Variants in ZNF804B observed in about 807,000 individuals in gnomAD.
ZNF804B encodes the protein zinc finger 804B.
ZNF804B carries 80 observed loss-of-function variants against 101.4 expected under a neutral mutation model. The observed-to-expected ratio is 0.79, with a 90% confidence interval of 0.66 to 0.95. The LOEUF (loss-of-function observed/expected upper bound fraction) is 0.95, where lower values mean the gene tolerates loss of function less well. Among genes scored for constraint, ZNF804B ranks in the 40% least tolerant of loss-of-function variants. The pLI, the probability that ZNF804B is intolerant of heterozygous loss-of-function variation, is 0.00. For missense variants in ZNF804B, 1,673 were observed against 1,561.9 expected (o/e 1.07, Z -1.20); for synonymous variants, 622 against 558.8 (o/e 1.11, Z -1.59).
intron 1 of ZNF804B, among the ~76,000 whole-genome samples, chr7:88,907,623 C>G (rs1792493387): frequency 6.6e-6 from 1 of 151,830 alleles, no homozygotes; most frequent in African/African-American, 2.4e-5. Context: ...CACGGACTAA[C>G]TAAGTAGCCC....
chr7:89,323,843 C>G (rs1039376977), intron 2 of ZNF804B, among the ~76,000 whole-genome samples: 4 of 152,066 alleles, frequency 2.6e-5, no homozygotes, highest in African/African-American at 9.7e-5. Flanking sequence ...TCATTACACA[C>G]CCTCAAAGAA....
chr7:88,800,693 TG>T, intron 1 of ZNF804B, among the ~76,000 whole-genome samples: 1 of 7,704 alleles, frequency 1.3e-4, no homozygotes, highest in Non-Finnish European at 2.0e-4. Context: ...AGATATGATT[TG>T]TGTGTGTGTG....
intron 1 of ZNF804B, among the ~76,000 whole-genome samples, chr7:88,811,832 G>A (rs1025109504): frequency 1.3e-5 from 2 of 152,054 alleles, no homozygotes; most frequent in African/African-American, 4.8e-5. Flanking sequence ...GACAGGGGAG[G>A]GAGAGCATCA....
At chr7:88,927,369 A>G (rs186371347) in intron 1 of ZNF804B, among the ~76,000 whole-genome samples, 222 of 152,324 alleles carry the variant, frequency 1.5e-3, no homozygotes, top group African/African-American at 4.4e-3. Context: ...ATAGCAAACA[A>G]TATTGTGGTT....
At chr7:89,015,330 T>G (rs1020128285) in intron 1 of ZNF804B, among the ~76,000 whole-genome samples, 1 of 151,370 alleles carries the variant, frequency 6.6e-6, no homozygotes, top group African/African-American at 2.4e-5. Flanking sequence ...TATTTTATTT[T>G]TATTTTATTT....
At chr7:89,071,013 G>A (rs1789529500) in intron 1 of ZNF804B, among the ~76,000 whole-genome samples, 1 of 152,010 alleles carries the variant, frequency 6.6e-6, no homozygotes, top group South Asian at 2.1e-4. Context: ...ATAAAATGGT[G>A]TAATATTTGC....
chr7:89,306,000 A>T (rs1790556984), intron 2 of ZNF804B, among the ~76,000 whole-genome samples: 1 of 151,954 alleles, frequency 6.6e-6, no homozygotes, highest in African/African-American at 2.4e-5. Context: ...AATTGTCCCA[A>T]TTTTGAATTA....
chr7:89,334,892 A>T lies in ZNF804B; in HGVS notation c.1910A>T (p.His637Leu). The T allele has an allele frequency of 6.2e-7, 1 of 1,613,840 alleles. No individual in the cohort carries two copies. Among genetic ancestry groups the T allele is most frequent in the Admixed American group, 1.7e-5 (1 of 59,920 alleles). Residue 637 changes from histidine to leucine, a missense_variant, in exon 4 of 4, where the codon CAT becomes CTT. Coordinates refer to ENST00000333190, the MANE Select transcript of ZNF804B (RefSeq NM_181646.5). Reference protein sequence around the residue: ...FPSYISRFKKHKLIPCSPHLE... With the variant: ...FPSYISRFKKLKLIPCSPHLE... ...TCCTACATCTCTAGGTTTAAAAAGCATAAATTGATTCCCTGCAGTCCTCAT... is the reference window on the plus strand; with the variant it reads ...TCCTACATCTCTAGGTTTAAAAAGCTTAAATTGATTCCCTGCAGTCCTCAT...
Position 89,243,932 on chromosome 7 carries a change from A to G in ZNF804B, c.249+25637A>G, listed in dbSNP as rs373114165. On this transcript the variant is annotated intron_variant, in intron 2 of 3. Coordinates refer to ENST00000333190, the MANE Select transcript of ZNF804B (RefSeq NM_181646.5). ...GAGCAGCTTTTATATTTCCAAATAC[A>G]TAAGATGTAAATTGGAAAGTGTTTG... Among the ~76,000 whole-genome samples, 76 of 152,130 alleles carry G rather than the reference A, an allele frequency of 5.0e-4. 2 individuals are homozygous for G. In the South Asian group the frequency reaches 0.016, roughly 31 times the overall value.
intron 1 of ZNF804B, among the ~76,000 whole-genome samples, chr7:88,835,669 C>T (rs954761771): frequency 6.6e-6 from 1 of 151,616 alleles, no homozygotes. Flanking sequence ...AGGGTAACTT[C>T]GATAGTAGAT....
intron 2 of ZNF804B, among the ~76,000 whole-genome samples, chr7:89,310,085 C>CA (rs35079487): frequency 0.011 from 1,388 of 123,020 alleles, 9 homozygotes; most frequent in African/African-American, 0.03. Flanking sequence ...GTTTTTAAGG[C>CA]AAAAAAAAAA....
intron 1 of ZNF804B, among the ~76,000 whole-genome samples, chr7:88,777,445 C>G (rs762322185): frequency 1.3e-5 from 2 of 152,208 alleles, no homozygotes; most frequent in Non-Finnish European, 2.9e-5. Context: ...TTCAAGCCAG[C>G]AGTTTACAGG....
At chr7:89,298,163 ATATT>A (rs1462562263) in intron 2 of ZNF804B, among the ~76,000 whole-genome samples, 2 of 132,784 alleles carry the variant, frequency 1.5e-5, no homozygotes, top group African/African-American at 5.6e-5. Flanking sequence ...GTATATATAT[ATATT>A]TCATATATAT....
chr7:89,097,040 C>T (rs948332684), intron 1 of ZNF804B, among the ~76,000 whole-genome samples: 2 of 152,142 alleles, frequency 1.3e-5, no homozygotes, highest in Non-Finnish European at 2.9e-5. Flanking sequence ...GGGCTAACTT[C>T]CTGAAATCCT....
At chr7:89,079,218 T>C (rs1789658361) in intron 1 of ZNF804B, among the ~76,000 whole-genome samples, 2 of 152,080 alleles carry the variant, frequency 1.3e-5, no homozygotes, top group Admixed American at 1.3e-4. Context: ...TTCTAGAACA[T>C]GGCTATTAGA....
At chr7:88,970,016 T>TTTCCCTTCATTTCCCTTTTCTCC (rs1257317678) in intron 1 of ZNF804B, among the ~76,000 whole-genome samples, 22 of 151,370 alleles carry the variant, frequency 1.5e-4, no homozygotes, top group African/African-American at 3.9e-4. Flanking sequence ...TCCTTTTCTC[T>TTTCCCTTCATTTCCCTTTTCTCC]TTCCCTTCAT....
At chr7:89,171,044 T>A (rs993570958) in intron 1 of ZNF804B, among the ~76,000 whole-genome samples, 2 of 152,156 alleles carry the variant, frequency 1.3e-5, no homozygotes, top group African/African-American at 4.8e-5. Flanking sequence ...TGGAACAAAA[T>A]GCACCAGGAA....
chr7:89,294,555 T>G (rs1790349330), intron 2 of ZNF804B, among the ~76,000 whole-genome samples: 1 of 152,018 alleles, frequency 6.6e-6, no homozygotes, highest in African/African-American at 2.4e-5. Context: ...TTATCTCTTG[T>G]TACTTTTTTT....
rs1562885493 is a variant in ZNF804B, at chr7:89,103,073, T to TTGTTTTG, written c.109-115081_109-115080insGTTTTGT. Among the ~76,000 whole-genome samples, 236 of 136,106 alleles carry TTGTTTTG rather than the reference T, an allele frequency of 1.7e-3. 2 individuals carry two copies. Among genetic ancestry groups the TTGTTTTG allele is most frequent in the African/African-American group, 6.7e-3 (226 of 33,884 alleles). The allele number at this position is 136,106 out of a possible 152,430, so 89.3% of individuals were successfully genotyped here. A position where few individuals can be genotyped will look rare whatever the true frequency, so the allele number is the denominator to read the frequency against. On this transcript the variant is annotated intron_variant, in intron 1 of 3. Transcript: ENST00000333190. Reference sequence around the variant, plus strand: ...GTTTTTTTTTTTTTTTTTTTTTTTTTTTTTTTTTTTACCAATACTGTGGTG... The same window carrying TTGTTTTG: ...GTTTTTTTTTTTTTTTTTTTTTTTTTTGTTTTGTTTTTTTTTTACCAATACTGTGGTG...
Sources: gnomAD v4.1 joint callset for allele counts (sites outside exome capture counted in the v4.1 genomes callset) on GRCh38, gnomAD v4.1.1 for gene constraint, MANE v1.5 for transcripts, NCBI Gene and HGNC (gene_info 2026-07-23, HGNC 2026-07-21) for gene names.